Variants in CAMKK1 observed in about 807,000 individuals in gnomAD.
CAMKK1 encodes the protein calcium/calmodulin-dependent protein kinase kinase 1.
In CAMKK1, 20 loss-of-function variants were observed where a neutral mutation model predicts 63.5. The observed-to-expected ratio is 0.32, with a 90% confidence interval of 0.22 to 0.46. CAMKK1 has a LOEUF of 0.46. Ranked by LOEUF, CAMKK1 falls within the 20% of genes least tolerant of loss-of-function variation. The pLI, the probability that CAMKK1 is intolerant of heterozygous loss-of-function variation, is 1.00. For missense variants in CAMKK1, 588 were observed against 658.1 expected (o/e 0.89, Z 1.17); for synonymous variants, 253 against 269.0 (o/e 0.94, Z 0.58).
At chr17:3,876,758 T>C (rs1359880317) in intron 9 of CAMKK1, among the ~76,000 whole-genome samples, 2 of 92,450 alleles carry the variant, frequency 2.2e-5, no homozygotes, top group Non-Finnish European at 3.6e-5. Flanking sequence ...TTTTTTTTGG[T>C]TTTTTTTTTT....
At chr17:3,864,359 G>A (rs2054432808) in intron 15 of CAMKK1, among the ~76,000 whole-genome samples, 1 of 151,348 alleles carries the variant, frequency 6.6e-6, no homozygotes, top group South Asian at 2.1e-4. Flanking sequence ...CCATTCTCCT[G>A]CCTCAGCCTC....
At chr17:3,885,269 A>T in intron 2 of CAMKK1, 59 bp downstream of exon 2, 1 of 1,490,990 alleles carries the variant, frequency 6.7e-7, no homozygotes, top group Non-Finnish European at 8.9e-7. Context: ...GGCAGGAAAG[A>T]GTCTTCATTG....
At chr17:3,876,566 C>T (rs976859547) in intron 9 of CAMKK1, 144 bp from the exon 10 acceptor site, 10 of 667,990 alleles carry the variant, frequency 1.5e-5, no homozygotes, top group Admixed American at 7.4e-5. Flanking sequence ...GGGAGGAGGA[C>T]GTCAGGGCCA....
intron 12 of CAMKK1, 110 bp from the exon 13 acceptor site, chr17:3,869,998 G>C: frequency 2.4e-6 from 2 of 844,646 alleles, no homozygotes; most frequent in Non-Finnish European, 3.9e-6. Context: ...CTGAGTTCCG[G>C]ACAGCAGGCA....
Position 3,862,166 on chromosome 17 carries a change from G to A in CAMKK1, c.*45C>T, listed in dbSNP as rs369008991. The stretch of plus-strand genomic sequence containing the variant: ...GCATGAGGGGTGGGCCTCTGGAGGC[G>A]CGGGATGAGTGTGCTGCCGGGTGGC... On this transcript the variant is annotated 3_prime_UTR_variant, in exon 16 of 16. Transcript: ENST00000348335. The surrounding 1 kb of genome is among the most constrained non-coding windows in gnomAD (Gnocchi z 4.1). The A allele has an allele frequency of 1.3e-4, 202 of 1,515,880 alleles. 3 individuals are homozygous for A. The South Asian group carries it at 1.9e-3, about 14-fold the overall frequency. 93.9% of individuals were successfully genotyped at this position (1,515,880 alleles called of 1,614,324 possible). A position where few individuals can be genotyped will look rare whatever the true frequency, so the allele number is the denominator to read the frequency against.
At chr17:3,876,076 G>A (rs918645473) in intron 10 of CAMKK1, 147 bp downstream of exon 10, 50 of 736,324 alleles carry the variant, frequency 6.8e-5, no homozygotes, top group African/African-American at 5.7e-4. Context: ...CCAAAGTTGT[G>A]GAGTTTGTCA....
At chr17:3,870,104 A>G (rs555981333) in intron 12 of CAMKK1, among the ~76,000 whole-genome samples, 1 of 152,142 alleles carries the variant, frequency 6.6e-6, no homozygotes, top group Non-Finnish European at 1.5e-5. Flanking sequence ...TGGGTGCTGG[A>G]CACCCCAATG....
chr17:3,883,512 G>C lies in CAMKK1; in HGVS notation c.463-32C>G. On this transcript the variant is annotated intron_variant, in intron 4 of 15. Coordinates refer to ENST00000348335, the MANE Select transcript of CAMKK1 (RefSeq NM_032294.3). This position sits in a 1 kb window ranked among gnomAD's most constrained non-coding sequence, Gnocchi z 4.7. ...AAGGAGGGACAGAAATGTCACTACT[G>C]TGCAGCCACCAGGGGCTAGAACAGG... The C allele has an allele frequency of 3.2e-6, 5 of 1,568,360 alleles. No homozygotes were observed. Among genetic ancestry groups the C allele is most frequent in the Non-Finnish European group, 4.4e-6 (5 of 1,138,402 alleles).
chr17:3,870,527 G>A (rs1020130501), intron 12 of CAMKK1, among the ~76,000 whole-genome samples: 15 of 152,036 alleles, frequency 9.9e-5, no homozygotes, highest in African/African-American at 3.1e-4. Flanking sequence ...CACCGTGCCC[G>A]GCTAATTTTT....
rs372480983 is a variant in CAMKK1, at chr17:3,881,615, C to T, written c.707+12G>A. ...TGAGAATTGACCTGCCTGATCAGGA[C>T]GGGGAACTCACCCCTTTCTCAGGAG... On this transcript the variant is annotated intron_variant, in intron 8 of 15. Coordinates refer to ENST00000348335, the MANE Select transcript of CAMKK1 (RefSeq NM_032294.3). 36 of 1,568,544 alleles carry T rather than the reference C, an allele frequency of 2.3e-5. No individual in the cohort carries two copies. Among genetic ancestry groups the T allele is most frequent in the African/African-American group, 1.8e-4 (13 of 74,098 alleles).
chr17:3,873,148 C>T (rs1016483215), intron 11 of CAMKK1, among the ~76,000 whole-genome samples: 1 of 152,190 alleles, frequency 6.6e-6, no homozygotes, highest in Non-Finnish European at 1.5e-5. Flanking sequence ...GACAGAGGGA[C>T]GGGGAGCACT....
Position 3,880,187 on chromosome 17 carries a change from C to G in CAMKK1, c.796+159G>C, listed in dbSNP as rs572879316. The stretch of plus-strand genomic sequence containing the variant: ...CCGCCCGCCCCACCCCACAAAAAGG[C>G]CTTTGGCCCCGCCACACGTGCATGC... On this transcript the variant is annotated intron_variant, in intron 9 of 15. Transcript: ENST00000348335. The G allele has an allele frequency of 4.1e-5, 26 of 627,262 alleles. No individual in the cohort carries two copies. In the Middle Eastern group the frequency reaches 1.3e-3, roughly 31 times the overall value. The allele number at this position is 627,262 out of a possible 1,614,324, so 38.9% of individuals were successfully genotyped here.
chr17:3,870,070 G>A lies in CAMKK1; in HGVS notation c.1125-182C>T, dbSNP rs1356755795. Among the ~76,000 whole-genome samples the A allele has an allele frequency of 2.6e-5, 4 of 152,200 alleles. No individual in the cohort carries two copies. In the East Asian group the frequency reaches 7.7e-4, roughly 29 times the overall value. On this transcript the variant is annotated intron_variant, in intron 12 of 15. Coordinates refer to ENST00000348335, the MANE Select transcript of CAMKK1 (RefSeq NM_032294.3). ...AGCAGGAGGTCAAGTCTCCCTCCAG[G>A]ACAGAGGCACAGACAGAGTTCCATG...
intron 8 of CAMKK1, 98 bp downstream of exon 8, chr17:3,881,529 C>T: frequency 8.1e-7 from 1 of 1,229,814 alleles, no homozygotes; most frequent in Non-Finnish European, 1.2e-6. Context: ...TCTCTGACTT[C>T]TCCTAGAGTA....
intron 14 of CAMKK1, among the ~76,000 whole-genome samples, chr17:3,866,627 C>T (rs2054537200): frequency 1.3e-5 from 2 of 152,256 alleles, no homozygotes; most frequent in African/African-American, 4.8e-5. Flanking sequence ...CCATCCATCC[C>T]GTCAACACTG....
rs2055704134 is a variant in CAMKK1 at position 3,887,512 on chromosome 17, G to A, written c.-43-1782C>T. Among the ~76,000 whole-genome samples, 1 of 151,604 alleles carries A rather than the reference G, an allele frequency of 6.6e-6. No homozygotes were observed. On this transcript the variant is annotated intron_variant, in intron 1 of 15. Coordinates refer to ENST00000348335, the MANE Select transcript of CAMKK1 (RefSeq NM_032294.3). The surrounding 1 kb of genome is among the most constrained non-coding windows in gnomAD (Gnocchi z 6.1). ...GGTGAGGAGGCTGAGTGAGGCTAGA[G>A]TATCAGGGAGGCCTCCCTGGAAGAG...
In CAMKK1 at chr17:3,860,423, C is replaced by T. The variant is rs1352796946; in HGVS notation, c.*1788G>A. ...TAGAGTTTGCTCATCGCTTGTGCTACATTCAAAAACAACGATGCCAACCAA... is the reference window on the plus strand; with the variant it reads ...TAGAGTTTGCTCATCGCTTGTGCTATATTCAAAAACAACGATGCCAACCAA... On this transcript the variant is annotated 3_prime_UTR_variant, in exon 16 of 16. Transcript: ENST00000348335. 6.6e-6 allele frequency: 1 copy of T among 152,514 alleles called. No homozygotes were observed. The highest frequency in any genetic ancestry group is 1.5e-5 in the Non-Finnish European group (1 of 68,036). 9.4% of individuals were successfully genotyped at this position (152,514 alleles called of 1,614,324 possible).
intron 9 of CAMKK1, among the ~76,000 whole-genome samples, chr17:3,878,630 C>T (rs7223713): frequency 0.12 from 17,809 of 151,952 alleles, 2,020 homozygotes; most frequent in East Asian, 0.3. Context: ...CAAAGAGAGT[C>T]TTAATCTGAA....
chr17:3,881,565 G>A, intron 8 of CAMKK1, 62 bp downstream of exon 8: 3 of 1,511,302 alleles, frequency 2.0e-6, no homozygotes, highest in South Asian at 2.4e-5. Context: ...GGGGACACAG[G>A]GAGGGAAAGG....
Sources: allele counts gnomAD v4.1 joint callset (sites outside exome capture counted in the v4.1 genomes callset), GRCh38; gene constraint gnomAD v4.1.1; non-coding constraint Gnocchi (gnomAD v3.1); transcripts MANE v1.5; gene names NCBI Gene and HGNC (gene_info 2026-07-23, HGNC 2026-07-21).